The following SAGE1 variants were observed in gnomAD, a reference collection of about 807,000 sequenced individuals.
The protein encoded by SAGE1 is sarcoma antigen 1.
Under a neutral mutation model 55.4 loss-of-function variants are expected in SAGE1, and 55 were observed. The observed-to-expected ratio is 0.99, with a 90% confidence interval of 0.80 to 1.24. The LOEUF is 1.24. SAGE1 is among the 50% of genes most tolerant of loss of function. SAGE1 has a pLI of 0.00. For missense variants in SAGE1, 710 were observed against 704.4 expected (o/e 1.01, Z -0.09); for synonymous variants, 240 against 244.3 (o/e 0.98, Z 0.17).
rs782290868 is a variant in SAGE1 at position 135,895,790 on chromosome X, A to G, written c.1-453A>G. On this transcript the variant is annotated intron_variant, in intron 1 of 19. Transcript: ENST00000370709. Reference sequence around the variant, plus strand: ...GAACAGTGTATATGCTCATTAATACATACTTATCCTTTAAGTCTGAAAAAA... The same window carrying G: ...GAACAGTGTATATGCTCATTAATACGTACTTATCCTTTAAGTCTGAAAAAA... 2.7e-5 allele frequency among the ~76,000 whole-genome samples: 3 copies of G among 112,105 alleles called. No individual in the cohort carries two copies. In the East Asian group the frequency reaches 8.4e-4, roughly 31 times the overall value.
chrX:135,910,478 A>T lies in SAGE1; in HGVS notation c.1928A>T (p.Asn643Ile). ...KINNSQPAPGNILSTAPPWLR... is the reference protein window; with the variant it reads ...KINNSQPAPGIILSTAPPWLR... ...AATAACAGCCAACCAGCACCTGGTA[A>T]CATCTTGTCAACTGCTCCTCCATGG... The change falls in exon 16 of 20, where the codon AAC (asparagine) becomes ATC (isoleucine). Residue 643 changes from asparagine to isoleucine, a missense_variant. Coordinates refer to ENST00000370709, the MANE Select transcript of SAGE1 (RefSeq NM_001381902.1). 1 of 1,209,762 alleles carries T rather than the reference A, an allele frequency of 8.3e-7. No individual in the cohort carries two copies. Among genetic ancestry groups the T allele is most frequent in the Non-Finnish European group, 1.1e-6 (1 of 893,648 alleles).
intron 2 of SAGE1, among the ~76,000 whole-genome samples, chrX:135,900,104 A>G (rs1556595618): frequency 9.0e-6 from 1 of 111,075 alleles, no homozygotes; most frequent in African/African-American, 3.3e-5. Flanking sequence ...GGTTTTTCCC[A>G]TTCAGTATGA....
chrX:135,896,410 C>A, intron 2 of SAGE1, 81 bp downstream of exon 2: 1 of 649,650 alleles, frequency 1.5e-6, no homozygotes, highest in Non-Finnish European at 2.5e-6. Context: ...TGAATATAAA[C>A]TATATGTGTT....
chrX:135,899,934 T>C (rs1396418198), intron 2 of SAGE1, among the ~76,000 whole-genome samples: 1 of 111,207 alleles, frequency 9.0e-6, no homozygotes, highest in Non-Finnish European at 1.9e-5. Flanking sequence ...TCATGTCATC[T>C]GCAAACAAAG....
intron 3 of SAGE1, 79 bp downstream of exon 3, chrX:135,901,770 T>G: frequency 8.5e-6 from 8 of 942,597 alleles, no homozygotes; most frequent in Non-Finnish European, 1.0e-5. Flanking sequence ...TGAACAGATA[T>G]GAGCACATTT....
chrX:135,899,227 C>G (rs781905792), intron 2 of SAGE1, among the ~76,000 whole-genome samples: 6 of 111,973 alleles, frequency 5.4e-5, no homozygotes, highest in Admixed American at 9.5e-5. Flanking sequence ...CCAGTTCTCC[C>G]AGCACCATTA....
At chrX:135,910,597 T>C in intron 16 of SAGE1, 42 bp downstream of exon 16, 1 of 1,130,744 alleles carries the variant, frequency 8.8e-7, no homozygotes, top group Non-Finnish European at 1.2e-6. Context: ...TTGGTTTCCC[T>C]AAGCAGGCAT....
chrX:135,907,941 C>A lies in SAGE1; in HGVS notation c.1159+100C>A, dbSNP rs1273363106. 6.7e-5 allele frequency: 72 copies of A among 1,076,214 alleles called. No homozygotes were observed. The East Asian group carries it at 2.1e-3, about 31-fold the overall frequency. 88.7% of individuals were successfully genotyped at this position (1,076,214 alleles called of 1,213,427 possible). ...GGTATTGTTGTATTATGTTTTCTGG[C>A]CTCAATTTTAGGGTTTTCAATTGCT... On this transcript the variant is annotated intron_variant, in intron 10 of 19. Coordinates refer to ENST00000370709, the MANE Select transcript of SAGE1 (RefSeq NM_001381902.1).
intron 14 of SAGE1, 121 bp downstream of exon 14, chrX:135,909,900 G>C: frequency 2.0e-6 from 2 of 976,333 alleles, no homozygotes; most frequent in African/African-American, 3.8e-5. Context: ...AGTGTTCTCA[G>C]ATCGCCATCT....
In SAGE1 at chrX:135,905,263, G is replaced by A. The variant is rs1388913769; in HGVS notation, c.325G>A (p.Ala109Thr). ...CCATCGGTTTCCAGATGCTACCATC[G>A]CTCACAATATCCGTGAAGAGAGGAT... ...TAPPWPDATI[A>T]HNIREERMEN... The change falls in exon 5 of 20, where the codon GCT becomes ACT. Residue 109 changes from alanine (A) to threonine (T), a missense_variant. Ala to Thr is a moderately conservative substitution (Grantham distance 58). Coordinates refer to ENST00000370709, the MANE Select transcript of SAGE1 (RefSeq NM_001381902.1). 8 of 1,203,465 alleles carry A rather than the reference G, an allele frequency of 6.6e-6. No individual in the cohort carries two copies. The highest frequency in any genetic ancestry group is 3.0e-5 in the East Asian group (1 of 33,652).
At position 135,901,639 on chromosome X, in the gene SAGE1, C is replaced by T. The variant is rs1556596727; in HGVS notation, c.168C>T (p.His56=). 1 of 1,208,966 alleles carries T rather than the reference C, an allele frequency of 8.3e-7. No individual in the cohort carries two copies. Among genetic ancestry groups the T allele is most frequent in the East Asian group, 3.0e-5 (1 of 33,812 alleles). Residue 56 remains histidine (H), a synonymous_variant, in exon 3 of 20, where the codon CAC becomes CAT. Transcript: ENST00000370709. ...KKKHSRKSKR[H]SSSKRRKSMS... ...AACATTCCAGAAAATCCAAGAGACA[C>T]TCTTCATCTAAGAGAAGGAAGAGTA...
At position 135,908,790 on chromosome X, in the gene SAGE1, C is replaced by T. The variant is rs1446116263; in HGVS notation, c.1442-74C>T. On this transcript the variant is annotated intron_variant, in intron 12 of 19. Transcript: ENST00000370709. The stretch of plus-strand genomic sequence containing the variant: ...ATGGGATAATTTTCTAAAAATTCAT[C>T]ATCAGTGGGATATATCGGTGGGGTT... The T allele has an allele frequency of 2.1e-5, 24 of 1,128,343 alleles. No individual in the cohort carries two copies. The African/African-American group carries it at 4.0e-4, about 19-fold the overall frequency. The allele number at this position is 1,128,343 out of a possible 1,213,427, so 93.0% of individuals were successfully genotyped here. A position where few individuals can be genotyped will look rare whatever the true frequency, so the allele number is the denominator to read the frequency against.
chrX:135,903,180 C>T (rs1556597967), intron 3 of SAGE1, among the ~76,000 whole-genome samples: 1 of 111,994 alleles, frequency 8.9e-6, no homozygotes, highest in African/African-American at 3.2e-5. Flanking sequence ...CATTCCCTAC[C>T]CTTGGCCTCA....
intron 18 of SAGE1, 162 bp downstream of exon 18, chrX:135,912,115 G>A (rs2088908985): frequency 7.3e-6 from 8 of 1,093,516 alleles, no homozygotes; most frequent in Non-Finnish European, 9.5e-6. Context: ...TTGCTAATAT[G>A]TCTGCTTAAG....
rs1270516474 is a variant in SAGE1, at chrX:135,909,965, G to GAT, written c.1724-61_1724-60dup. The GAT allele has an allele frequency of 4.5e-6, 5 of 1,104,899 alleles. No homozygotes were observed. In the African/African-American group the frequency reaches 5.5e-5, roughly 12 times the overall value. 91.1% of individuals were successfully genotyped at this position (1,104,899 alleles called of 1,213,427 possible). On this transcript the variant is annotated intron_variant, in intron 14 of 19. Transcript: ENST00000370709. ...TTTTCTAGAAGCTGAGCATCAGGAA[G>GAT]ATATACCTGTGGGGTTGACATAATG... is the stretch of plus-strand genomic sequence containing the variant.
intron 4 of SAGE1, among the ~76,000 whole-genome samples, chrX:135,904,879 A>C (rs781851477): frequency 2.7e-5 from 3 of 111,576 alleles, no homozygotes; most frequent in Middle Eastern, 4.7e-3. Context: ...ACTGTCAATC[A>C]CAGTGTCCAT....
intron 2 of SAGE1, among the ~76,000 whole-genome samples, chrX:135,900,699 C>T (rs2088660004): frequency 9.0e-6 from 1 of 111,133 alleles, no homozygotes; most frequent in Admixed American, 9.6e-5. Flanking sequence ...TTGTAAAGCT[C>T]GCCCTACCCC....
At chrX:135,903,926 C>G (rs782739101) in intron 3 of SAGE1, among the ~76,000 whole-genome samples, 1 of 112,343 alleles carries the variant, frequency 8.9e-6, no homozygotes, top group African/African-American at 3.2e-5. Flanking sequence ...CTGACCTGAT[C>G]TCTGTCACAA....
rs782012489 is a variant in SAGE1, at chrX:135,907,364, C to T, written c.929C>T (p.Pro310Leu). Residue 310 changes from proline to leucine, a missense_variant, in exon 9 of 20, where the codon CCG becomes CTG. Physicochemically the swap from Pro to Leu is moderately conservative, Grantham distance 98. Transcript: ENST00000370709. The part of the protein sequence containing the change: ...VCEEKMENDQ[P>L]QPNNVLSTVQ... ...GAAGAGAAGATGGAAAATGACCAAC[C>T]GCAACCTAATAACGTATTGTCAACT... 2.8e-5 allele frequency: 34 copies of T among 1,207,534 alleles called. No homozygotes were observed. The highest frequency in any genetic ancestry group is 3.5e-5 in the South Asian group (2 of 56,616).
Sources: allele counts gnomAD v4.1 joint callset (sites outside exome capture counted in the v4.1 genomes callset), GRCh38; gene constraint gnomAD v4.1.1; transcripts MANE v1.5; gene names NCBI Gene and HGNC (gene_info 2026-07-23, HGNC 2026-07-21).